Variants in NRXN3 observed in about 807,000 individuals in gnomAD.
NRXN3 encodes neurexin III.
In NRXN3, 32 loss-of-function variants were observed where a neutral mutation model predicts 137.6. That is an observed-to-expected ratio of 0.23 (90% CI 0.18 to 0.31). The LOEUF (loss-of-function observed/expected upper bound fraction) is 0.31, where lower values mean the gene tolerates loss of function less well. Among genes scored for constraint, NRXN3 ranks in the 10% least tolerant of loss-of-function variants. NRXN3 has a pLI of 1.00. For missense variants in NRXN3, 1,574 were observed against 2,062.5 expected, an observed-to-expected ratio of 0.76 and a Z score of 4.59; for synonymous variants, 798 against 784.5, an observed-to-expected ratio of 1.02 and a Z score of -0.29.
intron 4 of NRXN3, among the ~76,000 whole-genome samples, chr14:78,302,127 C>G (rs1338606147): frequency 1.3e-5 from 2 of 152,244 alleles, no homozygotes; most frequent in African/African-American, 2.4e-5. Flanking sequence ...GCGTGTGGCA[C>G]TGTTGCCTCT....
chr14:78,517,711 T>C (rs1489440902), intron 4 of NRXN3, among the ~76,000 whole-genome samples: 1 of 152,144 alleles, frequency 6.6e-6, no homozygotes, highest in African/African-American at 2.4e-5. Flanking sequence ...AATTCAATTA[T>C]TCCAAAGAAG....
At chr14:78,323,191 C>T (rs1037694295) in intron 4 of NRXN3, among the ~76,000 whole-genome samples, 7 of 151,970 alleles carry the variant, frequency 4.6e-5, no homozygotes, top group East Asian at 1.9e-4. Flanking sequence ...TATCAACCTA[C>T]GAACATGATA....
intron 8 of NRXN3, among the ~76,000 whole-genome samples, chr14:78,776,760 C>T (rs1290310059): frequency 1.3e-5 from 2 of 152,156 alleles, no homozygotes; most frequent in Non-Finnish European, 2.9e-5. Context: ...CTTGATCAGA[C>T]ACATTAAACT....
chr14:78,969,205 CA>C (rs148355499), intron 14 of NRXN3, among the ~76,000 whole-genome samples: 22,706 of 152,156 alleles, frequency 0.15, 2,655 homozygotes, highest in African/African-American at 0.33. Context: ...AAACCATGCT[CA>C]GCCTGTTCCT....
intron 19 of NRXN3, among the ~76,000 whole-genome samples, chr14:79,788,369 G>A (rs2099135431): frequency 6.6e-6 from 1 of 152,130 alleles, no homozygotes; most frequent in African/African-American, 2.4e-5. Flanking sequence ...GACATTTCCT[G>A]AGTACCTGCT....
intron 4 of NRXN3, chr14:78,615,130 T>A (rs538112343): frequency 2.2e-6 from 1 of 456,356 alleles, no homozygotes; most frequent in African/African-American, 2.0e-5. Context: ...ATCACAATGG[T>A]CATATTACCA....
At chr14:78,817,375 A>G (rs2098937059) in intron 10 of NRXN3, among the ~76,000 whole-genome samples, 1 of 152,224 alleles carries the variant, frequency 6.6e-6, no homozygotes, top group African/African-American at 2.4e-5. Flanking sequence ...TCCAAAAGAG[A>G]GTATGCTTTG....
At chr14:79,509,521 A>T (rs535902747) in intron 16 of NRXN3, among the ~76,000 whole-genome samples, 17 of 136,294 alleles carry the variant, frequency 1.2e-4, no homozygotes, top group Non-Finnish European at 2.0e-4. Context: ...GTCTCAAAAA[A>T]ATATATATAT....
intron 15 of NRXN3, among the ~76,000 whole-genome samples, chr14:79,070,146 T>C (rs2099685803): frequency 6.6e-6 from 1 of 152,158 alleles, no homozygotes; most frequent in Non-Finnish European, 1.5e-5. Flanking sequence ...AAGCCTCCTA[T>C]GTTTGTTCGG....
chr14:78,539,195 GCTCCTCTTTGT>G (rs2096564946), intron 4 of NRXN3, among the ~76,000 whole-genome samples: 1 of 152,154 alleles, frequency 6.6e-6, no homozygotes, highest in Non-Finnish European at 1.5e-5. Context: ...AATGCTAGCA[GCTCCTCTTTGT>G]ACCTCTGGTA....
intron 19 of NRXN3, among the ~76,000 whole-genome samples, chr14:79,745,295 C>T (rs758861563): frequency 1.3e-4 from 20 of 152,046 alleles, no homozygotes; most frequent in Non-Finnish European, 2.5e-4. Flanking sequence ...GTTCTAGATG[C>T]CAGATCCTGA....
intron 15 of NRXN3, among the ~76,000 whole-genome samples, chr14:79,381,563 A>G (rs1283288179): frequency 6.6e-6 from 1 of 152,164 alleles, no homozygotes; most frequent in Non-Finnish European, 1.5e-5. Flanking sequence ...GTACCCCTGA[A>G]AAATGGGAAA....
intron 17 of NRXN3, among the ~76,000 whole-genome samples, chr14:79,690,211 CA>C (rs34095565): frequency 6.0e-4 from 90 of 151,164 alleles, no homozygotes; most frequent in African/African-American, 2.1e-3. Flanking sequence ...ATATTCGTTT[CA>C]AAAAGGTACA....
At chr14:79,243,861 A>T (rs2074731863) in intron 15 of NRXN3, among the ~76,000 whole-genome samples, 1 of 152,140 alleles carries the variant, frequency 6.6e-6, no homozygotes, top group Non-Finnish European at 1.5e-5. Context: ...GTACATGGCT[A>T]TATTATTATC....
At chr14:78,624,064 C>A (rs1302039172) in intron 4 of NRXN3, among the ~76,000 whole-genome samples, 3 of 152,166 alleles carry the variant, frequency 2.0e-5, no homozygotes, top group Admixed American at 6.5e-5. Flanking sequence ...GCCCTTTCAG[C>A]CCAATGTAGG....
intron 4 of NRXN3, among the ~76,000 whole-genome samples, chr14:78,335,002 G>A (rs1258260848): frequency 6.6e-6 from 1 of 152,144 alleles, no homozygotes. Flanking sequence ...TTGAAGGTGG[G>A]TACAGGGGAT....
At chr14:79,656,902 C>A (rs1191466108) in intron 16 of NRXN3, among the ~76,000 whole-genome samples, 1 of 152,052 alleles carries the variant, frequency 6.6e-6, no homozygotes, top group African/African-American at 2.4e-5. Context: ...TTTCTAGGGA[C>A]AATGTATACA....
chr14:78,220,149 G>A (rs945633002), intron 1 of NRXN3, among the ~76,000 whole-genome samples: 2 of 152,140 alleles, frequency 1.3e-5, no homozygotes, highest in Non-Finnish European at 1.5e-5. Context: ...GTTAAGAGAG[G>A]AAGTGGAGGA....
intron 10 of NRXN3, among the ~76,000 whole-genome samples, chr14:78,829,157 G>T (rs943859387): frequency 2.6e-5 from 4 of 152,120 alleles, no homozygotes; most frequent in Admixed American, 6.5e-5. Context: ...ATCTTGAACT[G>T]TCCCCATTAA....
Sources: allele counts gnomAD v4.1 joint callset (sites outside exome capture counted in the v4.1 genomes callset), GRCh38; gene constraint gnomAD v4.1.1; transcripts MANE v1.5; gene names NCBI Gene and HGNC (gene_info 2026-07-23, HGNC 2026-07-21).